KIF1A: variants seen among roughly 807,000 people sequenced by gnomAD.
The protein encoded by KIF1A is kinesin family member 1A.
In KIF1A, 46 loss-of-function variants were observed where a neutral mutation model predicts 227.3. The ratio of observed to expected loss-of-function variants is 0.20; its 90% CI spans 0.16 to 0.26. The LOEUF is 0.26. Among genes scored for constraint, KIF1A ranks in the 10% least tolerant of loss-of-function variants. The pLI, the probability that KIF1A is intolerant of heterozygous loss-of-function variation, is 1.00. For missense variants in KIF1A, 1,683 were observed against 2,485.9 expected (o/e 0.68, Z 6.87); for synonymous variants, 1,022 against 1,012.8 (o/e 1.01, Z -0.17).
intron 45 of KIF1A, chr2:240,720,710 C>G: frequency 1.9e-6 from 1 of 518,924 alleles, no homozygotes; most frequent in South Asian, 3.5e-5. Context: ...CACACACACA[C>G]TAGGATGGAG....
chr2:240,729,616 G>A (rs1464851792), intron 38 of KIF1A, among the ~76,000 whole-genome samples: 1 of 152,244 alleles, frequency 6.6e-6, no homozygotes, highest in East Asian at 1.9e-4. Flanking sequence ...GCCTGGAGCT[G>A]TAAGTAGAAC....
chr2:240,762,695 G>A (rs1200347215), intron 23 of KIF1A, 24 bp downstream of exon 23: 1 of 1,559,426 alleles, frequency 6.4e-7, no homozygotes. Context: ...TGACGCAGCA[G>A]GTGCTGGCCC....
In KIF1A at chr2:240,788,313, G is replaced by T; in HGVS notation, c.184-83C>A. The T allele has an allele frequency of 1.5e-6, 2 of 1,336,878 alleles. No homozygotes were observed. Among genetic ancestry groups the T allele is most frequent in the Non-Finnish European group, 1.1e-6 (1 of 946,040 alleles). The allele number at this position is 1,336,878 out of a possible 1,614,324, so 82.8% of individuals were successfully genotyped here. On this transcript the variant is annotated intron_variant, in intron 3 of 48. Transcript: ENST00000498729. The surrounding 1 kb of genome is among the most constrained non-coding windows in gnomAD (Gnocchi z 6.6). ...CATCATGTCTGCGGAGCCAGGGGATGCCCAGGGCCTCAGGGTGCCAGGGCA... is the reference window on the plus strand; with the variant it reads ...CATCATGTCTGCGGAGCCAGGGGATTCCCAGGGCCTCAGGGTGCCAGGGCA...
In KIF1A at chr2:240,740,156, G is replaced by A. The variant is rs772027586; in HGVS notation, c.3817-14C>T. The A allele has an allele frequency of 8.2e-6, 13 of 1,589,032 alleles. 1 individual carries two copies. The South Asian group carries it at 1.4e-4, about 17-fold the overall frequency. On this transcript the variant is annotated splice_polypyrimidine_tract_variant and intron_variant, in intron 36 of 48. Transcript: ENST00000498729. This position sits in a 1 kb window ranked among gnomAD's most constrained non-coding sequence, Gnocchi z 6.1. The stretch of plus-strand genomic sequence containing the variant: ...TCGCTGGATGCCCTGCCGGTGCCAG[G>A]TGAGAGGATATGGTCAGACGGCTCA...
chr2:240,774,038 G>T, intron 12 of KIF1A, 145 bp downstream of exon 12: 1 of 488,472 alleles, frequency 2.0e-6, no homozygotes, highest in Non-Finnish European at 3.7e-6. Context: ...CCTCAGAACA[G>T]TCTCTTCCAG....
chr2:240,744,357 G>T (rs1231659882), intron 32 of KIF1A, among the ~76,000 whole-genome samples: 1 of 152,184 alleles, frequency 6.6e-6, no homozygotes, highest in East Asian at 1.9e-4. Flanking sequence ...ACAAAGGGCA[G>T]CGCTGGTCTC....
upstream of KIF1A, among the ~76,000 whole-genome samples, chr2:240,820,797 G>C (rs1366688078): frequency 3.3e-5 from 5 of 151,406 alleles, no homozygotes; most frequent in Admixed American, 1.3e-4. This position sits in a 1 kb window ranked among gnomAD's most constrained non-coding sequence, Gnocchi z 6.2. Context: ...CAGTGACCCA[G>C]GCCCTCCCCG....
At chr2:240,723,039 A>T (rs892163700) in intron 42 of KIF1A, among the ~76,000 whole-genome samples, 1 of 152,168 alleles carries the variant, frequency 6.6e-6, no homozygotes, top group Admixed American at 6.5e-5. Flanking sequence ...GTCACGTGTC[A>T]CACACACACT....
In KIF1A at chr2:240,740,441, G is replaced by T; in HGVS notation, c.3750-77C>A. The T allele has an allele frequency of 3.9e-6, 5 of 1,275,556 alleles. No homozygotes were observed. Among genetic ancestry groups the T allele is most frequent in the Non-Finnish European group, 5.7e-6 (5 of 882,496 alleles). The allele number at this position is 1,275,556 out of a possible 1,614,324, so 79.0% of individuals were successfully genotyped here. On this transcript the variant is annotated intron_variant, in intron 35 of 48. Transcript: ENST00000498729. The surrounding 1 kb of genome is among the most constrained non-coding windows in gnomAD (Gnocchi z 6.1). ...CCCCGCAGCACAGGACACAGTGGAC[G>T]GGAGCAAAAACAGGGAAAAGTCAGC...
chr2:240,749,880 A>G (rs945517857), intron 28 of KIF1A, among the ~76,000 whole-genome samples: 1 of 152,226 alleles, frequency 6.6e-6, no homozygotes. Context: ...AGACCAGGGA[A>G]TGCATCAGGG....
Position 240,744,193 on chromosome 2 carries a change from G to C in KIF1A, c.3466-133C>G, listed in dbSNP as rs1245320372. 4 of 663,326 alleles carry C rather than the reference G, an allele frequency of 6.0e-6. No homozygotes were observed. In the East Asian group the frequency reaches 1.1e-4, roughly 17 times the overall value. The allele number at this position is 663,326 out of a possible 1,614,324, so 41.1% of individuals were successfully genotyped here. ...CCTAGCTGGGCCCACGTCTGCCCAG[G>C]GGCAGCAGCCTCCTCTAGGCCCTTC... On this transcript the variant is annotated intron_variant, in intron 32 of 48. Transcript: ENST00000498729.
chr2:240,769,353 G>A, intron 16 of KIF1A, 145 bp from the exon 17 acceptor site: 1 of 706,612 alleles, frequency 1.4e-6, no homozygotes, highest in East Asian at 2.7e-5. Context: ...CACTGGGTTA[G>A]GGCATCTGCT....
At chr2:240,816,555 A>T (rs1312763711) in intron 1 of KIF1A, among the ~76,000 whole-genome samples, 2 of 152,050 alleles carry the variant, frequency 1.3e-5, no homozygotes, top group African/African-American at 2.4e-5. Context: ...TCTGGCAGGG[A>T]TGGCAAGCAG....
intron 1 of KIF1A, among the ~76,000 whole-genome samples, chr2:240,798,195 C>T (rs1257335934): frequency 1.3e-5 from 2 of 152,258 alleles, no homozygotes; most frequent in African/African-American, 4.8e-5. Context: ...CCAGTGCTGG[C>T]TCCAGATCGA....
chr2:240,737,089 T>C lies in KIF1A; in HGVS notation c.3981A>G (p.Gly1327=). The C allele has an allele frequency of 1.2e-6, 2 of 1,613,464 alleles. No individual in the cohort carries two copies. Among genetic ancestry groups the C allele is most frequent in the East Asian group, 2.2e-5 (1 of 44,866 alleles). ...GGTCATCTTGGGCTGGGTGGATGTATCCGGAAGAGAGGATGTTGAGAGACA... is the reference window on the plus strand; with the variant it reads ...GGTCATCTTGGGCTGGGTGGATGTACCCGGAAGAGAGGATGTTGAGAGACA... ...NILSLNILSS[G]YIHPAQDDRT... The change falls in exon 38 of 49, where the codon GGA becomes GGG. Residue 1327 remains glycine, a synonymous_variant. Transcript: ENST00000498729.
At chr2:240,810,366 C>T (rs571558571) in intron 1 of KIF1A, among the ~76,000 whole-genome samples, 5 of 152,156 alleles carry the variant, frequency 3.3e-5, no homozygotes, top group Non-Finnish European at 5.9e-5. Context: ...GATAGTAATT[C>T]GGAAACCATA....
intron 13 of KIF1A, 70 bp downstream of exon 13, chr2:240,773,044 G>A (rs2125967633): frequency 6.8e-7 from 1 of 1,477,886 alleles, no homozygotes. Context: ...GAGAGGATGT[G>A]ATGACCTGCG....
intron 1 of KIF1A, among the ~76,000 whole-genome samples, chr2:240,798,667 G>A (rs937457893): frequency 2.6e-5 from 4 of 152,220 alleles, no homozygotes; most frequent in African/African-American, 9.7e-5. Context: ...CCGCAAAACA[G>A]TGACGAAGCA....
intron 1 of KIF1A, among the ~76,000 whole-genome samples, chr2:240,801,125 CAA>C (rs1002588065): frequency 8.0e-5 from 12 of 150,474 alleles, no homozygotes; most frequent in Admixed American, 1.3e-4. Flanking sequence ...TGATTAAAAA[CAA>C]AGAGGAAAAA....
Sources: gnomAD v4.1 joint callset for allele counts (sites outside exome capture counted in the v4.1 genomes callset) on GRCh38, gnomAD v4.1.1 for gene constraint, Gnocchi (gnomAD v3.1) non-coding constraint, MANE v1.5 for transcripts, NCBI Gene and HGNC (gene_info 2026-07-23, HGNC 2026-07-21) for gene names.